The following NSG2 variants were observed in gnomAD, a reference collection of about 807,000 sequenced individuals.
NSG2 encodes the protein neuronal vesicle trafficking-associated protein 2.
In NSG2, 4 loss-of-function variants were observed where a neutral mutation model predicts 16.9. That is an observed-to-expected ratio of 0.24 (90% CI 0.12 to 0.54). The LOEUF is 0.54. Ranked by LOEUF, NSG2 falls within the 20% of genes least tolerant of loss-of-function variation. The pLI is 0.95. For synonymous variants in NSG2, 98 were observed against 88.7 expected, an observed-to-expected ratio of 1.11 and a Z score of -0.59; for missense variants, 179 against 221.1, an observed-to-expected ratio of 0.81 and a Z score of 1.21.
chr5:174,094,449 C>T (rs1165113682), intron 3 of NSG2, among the ~76,000 whole-genome samples: 2 of 152,044 alleles, frequency 1.3e-5, no homozygotes, highest in African/African-American at 4.8e-5. Context: ...TTTTCTGGTC[C>T]CCATTTAACA....
At chr5:174,097,405 A>G (rs1241478844) in intron 3 of NSG2, among the ~76,000 whole-genome samples, 1 of 151,386 alleles carries the variant, frequency 6.6e-6, no homozygotes, top group Middle Eastern at 3.4e-3. Context: ...ACACCTGCAC[A>G]CGGCACGGTT....
At chr5:174,081,353 T>A (rs945129243) in intron 3 of NSG2, among the ~76,000 whole-genome samples, 1 of 152,232 alleles carries the variant, frequency 6.6e-6, no homozygotes, top group Non-Finnish European at 1.5e-5. Context: ...TTGATGTTTT[T>A]TTCCCCCCCA....
At chr5:174,098,288 G>C (rs1245117967) in intron 3 of NSG2, among the ~76,000 whole-genome samples, 1 of 152,188 alleles carries the variant, frequency 6.6e-6, no homozygotes, top group Non-Finnish European at 1.5e-5. Context: ...GGGTGGTTGA[G>C]GGGGTGCAGG....
At chr5:174,080,994 T>G (rs534624029) in intron 3 of NSG2, among the ~76,000 whole-genome samples, 14 of 152,292 alleles carry the variant, frequency 9.2e-5, no homozygotes, top group South Asian at 4.1e-4. Flanking sequence ...CTGTTTTTTT[T>G]TTGTTGTTGA....
intron 3 of NSG2, among the ~76,000 whole-genome samples, chr5:174,091,039 C>CT (rs35022469): frequency 0.11 from 13,035 of 124,052 alleles, 1,611 homozygotes; most frequent in East Asian, 0.62. Context: ...CTTCTTCTTC[C>CT]TTTTTTTTTT....
chr5:174,068,814 A>G (rs1203403065), intron 3 of NSG2, among the ~76,000 whole-genome samples: 1 of 76,318 alleles, frequency 1.3e-5, no homozygotes, highest in African/African-American at 5.7e-5. Flanking sequence ...GTGCTGTGGA[A>G]GGTGCTGGTG....
At chr5:174,085,626 C>A (rs1402758514) in intron 3 of NSG2, among the ~76,000 whole-genome samples, 1 of 152,228 alleles carries the variant, frequency 6.6e-6, no homozygotes, top group Non-Finnish European at 1.5e-5. Flanking sequence ...GTGGAAACAG[C>A]AAGACTGTGC....
chr5:174,055,682 A>T (rs1258857981), intron 2 of NSG2, among the ~76,000 whole-genome samples: 1 of 152,222 alleles, frequency 6.6e-6, no homozygotes, highest in East Asian at 1.9e-4. Context: ...ACCAACTTTT[A>T]TATTGCCTCT....
chr5:174,047,925 T>C (rs946952714), intron 2 of NSG2, among the ~76,000 whole-genome samples: 1 of 152,208 alleles, frequency 6.6e-6, no homozygotes, highest in Admixed American at 6.5e-5. Flanking sequence ...TGATTTCCCA[T>C]TGGCATCTGC....
chr5:174,090,811 CTT>C (rs1760709525), intron 3 of NSG2, among the ~76,000 whole-genome samples: 1 of 152,176 alleles, frequency 6.6e-6, no homozygotes, highest in South Asian at 2.1e-4. Context: ...ACATGGCTGA[CTT>C]ATGTCCAGAG....
rs1171603689 is a variant in NSG2, at chr5:174,107,730, C to G, written c.*225C>G. 1.4e-6 allele frequency: 1 copy of G among 691,142 alleles called. No homozygotes were observed. Among genetic ancestry groups the G allele is most frequent in the Admixed American group, 2.0e-5 (1 of 49,548 alleles). 42.8% of individuals were successfully genotyped at this position (691,142 alleles called of 1,614,324 possible). The stretch of plus-strand genomic sequence containing the variant: ...ATTGTTGATTCGTCGCCGAGTCAGG[C>G]TCATGTACAAAGGCATGTTTCGTGT... On this transcript the variant is annotated 3_prime_UTR_variant, in exon 5 of 5. Transcript: ENST00000303177. This position sits in a 1 kb window ranked among gnomAD's most constrained non-coding sequence, Gnocchi z 4.5.
At chr5:174,078,698 T>C (rs1368913035) in intron 3 of NSG2, among the ~76,000 whole-genome samples, 2 of 152,218 alleles carry the variant, frequency 1.3e-5, no homozygotes, top group African/African-American at 4.8e-5. Context: ...GGAGCTCTCA[T>C]GAATGGGCTT....
intron 2 of NSG2, among the ~76,000 whole-genome samples, chr5:174,061,620 T>A (rs1041463917): frequency 6.6e-6 from 1 of 152,226 alleles, no homozygotes; most frequent in African/African-American, 2.4e-5. Context: ...TTTTTCTTTT[T>A]TTGAGACAGA....
intron 3 of NSG2, chr5:174,066,377 A>G: frequency 2.4e-6 from 1 of 418,472 alleles, no homozygotes; most frequent in South Asian, 1.7e-5. Flanking sequence ...CTGGCAAGAG[A>G]TCACAAGAAA....
At chr5:174,049,936 C>G (rs77246957) in intron 2 of NSG2, among the ~76,000 whole-genome samples, 3,133 of 152,328 alleles carry the variant, frequency 0.021, 119 homozygotes, top group African/African-American at 0.071. Context: ...AGATGACCAG[C>G]AAGGACTCTG....
intron 3 of NSG2, among the ~76,000 whole-genome samples, chr5:174,078,076 A>T (rs905749909): frequency 2.6e-5 from 4 of 152,200 alleles, no homozygotes; most frequent in Admixed American, 1.3e-4. Flanking sequence ...TTTAAAGTTT[A>T]ATTTCTATCA....
At chr5:174,078,295 G>GACAC in intron 3 of NSG2, among the ~76,000 whole-genome samples, 1 of 149,842 alleles carries the variant, frequency 6.7e-6, no homozygotes, top group Non-Finnish European at 1.5e-5. Flanking sequence ...CACACACACA[G>GACAC]ACACACACAC....
At position 174,109,143 on chromosome 5, in the gene NSG2, T is replaced by G. The variant is rs950594276; in HGVS notation, c.*1638T>G. 6 of 152,818 alleles carry G rather than the reference T, an allele frequency of 3.9e-5. No homozygotes were observed. Among genetic ancestry groups the G allele is most frequent in the Non-Finnish European group, 7.3e-5 (5 of 68,050 alleles). The allele number at this position is 152,818 out of a possible 1,614,324, so 9.5% of individuals were successfully genotyped here. On this transcript the variant is annotated 3_prime_UTR_variant, in exon 5 of 5. Transcript: ENST00000303177. ...TTTTTTGGTGTAATTCTTGAAATTT[T>G]CTGACAGGAAACAAATAAAGATAGA...
rs1306659248 is a variant in NSG2, at chr5:174,107,389, A to G, written c.400A>G (p.Thr134Ala). ...CCCCAATTCCAGAAGCCGCTTCTAC[A>G]CAGTCATCAGCCACTACAGCGTGGC... Reference protein sequence around the residue: ...QDPNSRSRFYTVISHYSVAKQ... With the variant: ...QDPNSRSRFYAVISHYSVAKQ... The change falls in exon 5 of 5, where the codon ACA becomes GCA. Residue 134 changes from threonine to alanine, a missense_variant. Transcript: ENST00000303177. The surrounding 1 kb of genome is among the most constrained non-coding windows in gnomAD (Gnocchi z 4.5). 1 of 1,608,370 alleles carries G rather than the reference A, an allele frequency of 6.2e-7. No individual in the cohort carries two copies. The highest frequency in any genetic ancestry group is 1.3e-5 in the African/African-American group (1 of 74,798).
Sources: gnomAD v4.1 joint callset for allele counts (sites outside exome capture counted in the v4.1 genomes callset) on GRCh38, gnomAD v4.1.1 for gene constraint, Gnocchi (gnomAD v3.1) non-coding constraint, MANE v1.5 for transcripts, NCBI Gene and HGNC (gene_info 2026-07-23, HGNC 2026-07-21) for gene names.